The following ICAM4 variants were observed in gnomAD, a reference collection of about 807,000 sequenced individuals.
ICAM4 encodes intercellular adhesion molecule 4 (Landsteiner-Wiener blood group).
ICAM4 carries 16 observed loss-of-function variants against 18.8 expected under a neutral mutation model. That is an observed-to-expected ratio of 0.85 (90% CI 0.58 to 1.29). ICAM4 has a LOEUF of 1.29. ICAM4 is among the 50% of genes most tolerant of loss of function. The pLI is 0.00. For synonymous variants in ICAM4, 163 were observed against 163.2 expected (o/e 1.00, Z 0.01); for missense variants, 338 against 364.3 (o/e 0.93, Z 0.59).
Position 10,287,725 on chromosome 19 carries a change from A to G in ICAM4, c.584A>G (p.Tyr195Cys). Residue 195 changes from tyrosine to cysteine, a missense_variant, in exon 2 of 3, where the codon TAC (tyrosine) becomes TGC (cysteine). Physicochemically the swap from Tyr to Cys is radical, Grantham distance 194. Transcript: ENST00000380770. This position sits in a 1 kb window ranked among gnomAD's most constrained non-coding sequence, Gnocchi z 8.7. Reference sequence around the variant, plus strand: ...GATCTGGCCAACGTGACCTTGACCTACGAGTTTGCTGCTGGACCCCGCGAC... The same window carrying G: ...GATCTGGCCAACGTGACCTTGACCTGCGAGTTTGCTGCTGGACCCCGCGAC... ...GLDLANVTLT[Y>C]EFAAGPRDFW... The G allele has an allele frequency of 1.9e-6, 3 of 1,613,822 alleles. No individual in the cohort carries two copies. Among genetic ancestry groups the G allele is most frequent in the South Asian group, 1.1e-5 (1 of 91,058 alleles).
At position 10,287,450 on chromosome 19, in the gene ICAM4, G is replaced by A. The variant is rs757624505; in HGVS notation, c.394+44G>A. On this transcript the variant is annotated intron_variant, in intron 1 of 2. Transcript: ENST00000380770. This position sits in a 1 kb window ranked among gnomAD's most constrained non-coding sequence, Gnocchi z 8.7. Reference sequence around the variant, plus strand: ...GTCCCGGCTGGGGTGAGGGGAGGGGGCTGGAAGAGGTGGGGGAAGGGTAGT... The same window carrying A: ...GTCCCGGCTGGGGTGAGGGGAGGGGACTGGAAGAGGTGGGGGAAGGGTAGT... 4.4e-6 allele frequency: 7 copies of A among 1,587,640 alleles called. No homozygotes were observed. The highest frequency in any genetic ancestry group is 1.3e-5 in the African/African-American group (1 of 74,282).
Position 10,288,190 on chromosome 19 carries a change from G to C in ICAM4, c.*86G>C. On this transcript the variant is annotated 3_prime_UTR_variant, in exon 3 of 3. Coordinates refer to ENST00000380770, the MANE Select transcript of ICAM4 (RefSeq NM_001544.5). Reference sequence around the variant, plus strand: ...TGGCCATACATGGTGGCTGACGCCTGTAATCCCAGCACTTTGGGAGGCCGA... The same window carrying C: ...TGGCCATACATGGTGGCTGACGCCTCTAATCCCAGCACTTTGGGAGGCCGA... 1 of 1,607,022 alleles carries C rather than the reference G, an allele frequency of 6.2e-7. No individual in the cohort carries two copies. The highest frequency in any genetic ancestry group is 8.5e-7 in the Non-Finnish European group (1 of 1,175,176).
rs2040132096 is a variant in ICAM4, at chr19:10,287,874, AG to A, written c.697+41del. Reference sequence around the variant, plus strand: ...CCTGTAACCCTGGGGACTAGGAGGAAGGGGGCAGAGAGAGTTATGACCCCGA... The same window carrying A: ...CCTGTAACCCTGGGGACTAGGAGGAAGGGGCAGAGAGAGTTATGACCCCGA... On this transcript the variant is annotated intron_variant, in intron 2 of 2. Coordinates refer to ENST00000380770, the MANE Select transcript of ICAM4 (RefSeq NM_001544.5). The surrounding 1 kb of genome is among the most constrained non-coding windows in gnomAD (Gnocchi z 8.7). The A allele has an allele frequency of 6.2e-7, 1 of 1,607,900 alleles. No individual in the cohort carries two copies. Among genetic ancestry groups the A allele is most frequent in the African/African-American group, 1.3e-5 (1 of 74,988 alleles).
In ICAM4 at chr19:10,287,121, A is replaced by G. The variant is rs756069637; in HGVS notation, c.109A>G (p.Ser37Gly). 1.2e-6 allele frequency: 2 copies of G among 1,608,418 alleles called. No homozygotes were observed. The highest frequency in any genetic ancestry group is 2.2e-5 in the South Asian group (2 of 90,674). The change falls in exon 1 of 3, where the codon AGC becomes GGC. Residue 37 changes from serine (S) to glycine (G), a missense_variant. Ser to Gly is a moderately conservative substitution (Grantham distance 56). Coordinates refer to ENST00000380770, the MANE Select transcript of ICAM4 (RefSeq NM_001544.5). The surrounding 1 kb of genome is among the most constrained non-coding windows in gnomAD (Gnocchi z 8.7). ...RTKRAQSPKGSPLAPSGTSVP... is the reference protein window; with the variant it reads ...RTKRAQSPKGGPLAPSGTSVP... ...TAAGCGGGCGCAAAGCCCCAAGGGT[A>G]GCCCTCTCGCGCCCTCCGGGACCTC... is the stretch of plus-strand genomic sequence containing the variant.
In ICAM4 at chr19:10,287,530, C is replaced by T. The variant is rs35165411; in HGVS notation, c.395-6C>T. 9,392 of 1,612,230 alleles carry T rather than the reference C, an allele frequency of 5.8e-3. 37 individuals are homozygous for T. Among genetic ancestry groups the T allele is most frequent in the Non-Finnish European group, 7.5e-3 (8,860 of 1,178,696 alleles). ...GACCTCACTCAGAGGCTCCCCCTTG[C>T]CTTAGAACCGCCCCACAGCGTGATT... On this transcript the variant is annotated splice_polypyrimidine_tract_variant and splice_region_variant and intron_variant, in intron 1 of 2. Coordinates refer to ENST00000380770, the MANE Select transcript of ICAM4 (RefSeq NM_001544.5). The surrounding 1 kb of genome is among the most constrained non-coding windows in gnomAD (Gnocchi z 8.7).
At position 10,287,985 on chromosome 19, in the gene ICAM4, G is replaced by T. The variant is rs753933674; in HGVS notation, c.698-1G>T. 6.2e-7 allele frequency: 1 copy of T among 1,613,964 alleles called. No homozygotes were observed. Reference sequence around the variant, plus strand: ...TCCTAATTCTCGCCTTCTGCTCCCAGCTTGGAGCCCCGCGCCCACAGCTTT... The same window carrying T: ...TCCTAATTCTCGCCTTCTGCTCCCATCTTGGAGCCCCGCGCCCACAGCTTT... On this transcript the variant is annotated splice_acceptor_variant, in intron 2 of 2. Coordinates refer to ENST00000380770, the MANE Select transcript of ICAM4 (RefSeq NM_001544.5). LOFTEE classifies it high-confidence loss of function. The surrounding 1 kb of genome is among the most constrained non-coding windows in gnomAD (Gnocchi z 8.7).
At position 10,288,063 on chromosome 19, in the gene ICAM4, G is replaced by A. The variant is rs761034821; in HGVS notation, c.775G>A (p.Ala259Thr). The A allele has an allele frequency of 6.2e-7, 1 of 1,614,182 alleles. No homozygotes were observed. The highest frequency in any genetic ancestry group is 1.7e-5 in the Admixed American group (1 of 60,016). ...LVGILLTVGA[A>T]YLCKCLAMKS... Reference sequence around the variant, plus strand: ...AGGGATCCTCCTCACTGTGGGCGCTGCGTACCTATGCAAGTGCCTAGCTAT... The same window carrying A: ...AGGGATCCTCCTCACTGTGGGCGCTACGTACCTATGCAAGTGCCTAGCTAT... The change falls in exon 3 of 3, where the codon GCG becomes ACG. Residue 259 changes from alanine (A) to threonine (T), a missense_variant. Coordinates refer to ENST00000380770, the MANE Select transcript of ICAM4 (RefSeq NM_001544.5).
chr19:10,287,883 A>G lies in ICAM4; in HGVS notation c.697+45A>G. On this transcript the variant is annotated intron_variant, in intron 2 of 2. Coordinates refer to ENST00000380770, the MANE Select transcript of ICAM4 (RefSeq NM_001544.5). This position sits in a 1 kb window ranked among gnomAD's most constrained non-coding sequence, Gnocchi z 8.7. Reference sequence around the variant, plus strand: ...CTGGGGACTAGGAGGAAGGGGGCAGAGAGAGTTATGACCCCGAGAGGGCGC... The same window carrying G: ...CTGGGGACTAGGAGGAAGGGGGCAGGGAGAGTTATGACCCCGAGAGGGCGC... 1 of 1,607,612 alleles carries G rather than the reference A, an allele frequency of 6.2e-7. No individual in the cohort carries two copies. Among genetic ancestry groups the G allele is most frequent in the South Asian group, 1.1e-5 (1 of 91,044 alleles).
chr19:10,287,021 T>C lies in ICAM4; in HGVS notation c.9T>C (p.Ser3=), dbSNP rs746751618. The change falls in exon 1 of 3, where the codon TCT becomes TCC. Residue 3 remains serine, a synonymous_variant. Coordinates refer to ENST00000380770, the MANE Select transcript of ICAM4 (RefSeq NM_001544.5). This position sits in a 1 kb window ranked among gnomAD's most constrained non-coding sequence, Gnocchi z 8.7. MG[S]LFPLSLLFFL... is the part of the protein sequence containing the mutation. ...AGTCCGGGCTTTTTGCCATGGGGTC[T>C]CTGTTCCCTCTGTCGCTGCTGTTTT... 1 of 1,532,100 alleles carries C rather than the reference T, an allele frequency of 6.5e-7. No homozygotes were observed. The highest frequency in any genetic ancestry group is 8.8e-7 in the Non-Finnish European group (1 of 1,140,602). 94.9% of individuals were successfully genotyped at this position (1,532,100 alleles called of 1,614,324 possible).
chr19:10,287,045 T>C lies in ICAM4; in HGVS notation c.33T>C (p.Phe11=). 3 of 1,568,076 alleles carry C rather than the reference T, an allele frequency of 1.9e-6. No homozygotes were observed. The highest frequency in any genetic ancestry group is 2.6e-6 in the Non-Finnish European group (3 of 1,156,012). Residue 11 remains phenylalanine, a synonymous_variant, in exon 1 of 3, where the codon TTT becomes TTC. Coordinates refer to ENST00000380770, the MANE Select transcript of ICAM4 (RefSeq NM_001544.5). The surrounding 1 kb of genome is among the most constrained non-coding windows in gnomAD (Gnocchi z 8.7). ...CTCTGTTCCCTCTGTCGCTGCTGTTTTTTTTGGCGGCCGCCTACCCGGGAG... is the reference window on the plus strand; with the variant it reads ...CTCTGTTCCCTCTGTCGCTGCTGTTCTTTTTGGCGGCCGCCTACCCGGGAG... MGSLFPLSLL[F]FLAAAYPGVG...
At position 10,288,276 on chromosome 19, in the gene ICAM4, C is replaced by T. The variant is rs765979139; in HGVS notation, c.*172C>T. 4.8e-4 allele frequency: 473 copies of T among 984,442 alleles called. No individual in the cohort carries two copies. Among genetic ancestry groups the T allele is most frequent in the Non-Finnish European group, 6.8e-4 (435 of 644,058 alleles). The allele number at this position is 984,442 out of a possible 1,614,324, so 61.0% of individuals were successfully genotyped here. A position where few individuals can be genotyped will look rare whatever the true frequency, so the allele number is the denominator to read the frequency against. On this transcript the variant is annotated 3_prime_UTR_variant, in exon 3 of 3. Coordinates refer to ENST00000380770, the MANE Select transcript of ICAM4 (RefSeq NM_001544.5). ...CAGCCTGGACAACATAGTGAGACCC[C>T]GTCTATGCAAAAAATACACAAATTA...
rs55761920 is a variant in ICAM4 at position 10,288,205 on chromosome 19, T to G, written c.*101T>G. Reference sequence around the variant, plus strand: ...GCTGACGCCTGTAATCCCAGCACTTTGGGAGGCCGAGGCAGGAGAATCGCT... The same window carrying G: ...GCTGACGCCTGTAATCCCAGCACTTGGGGAGGCCGAGGCAGGAGAATCGCT... On this transcript the variant is annotated 3_prime_UTR_variant, in exon 3 of 3. Coordinates refer to ENST00000380770, the MANE Select transcript of ICAM4 (RefSeq NM_001544.5). The G allele has an allele frequency of 3.1e-6, 5 of 1,587,664 alleles. No individual in the cohort carries two copies. In the African/African-American group the frequency reaches 6.7e-5, roughly 21 times the overall value.
In ICAM4 at chr19:10,287,065, C is replaced by A; in HGVS notation, c.53C>A (p.Pro18Gln). The change falls in exon 1 of 3, where the codon CCG (proline) becomes CAG (glutamine). Residue 18 changes from proline (P) to glutamine (Q), a missense_variant. Pro to Gln is a moderately conservative substitution (Grantham distance 76). Transcript: ENST00000380770. This position sits in a 1 kb window ranked among gnomAD's most constrained non-coding sequence, Gnocchi z 8.7. ...CTGTTTTTTTTGGCGGCCGCCTACC[C>A]GGGAGTTGGGAGCGCGCTGGGACGC... ...SLLFFLAAAYPGVGSALGRRT... is the reference protein window; with the variant it reads ...SLLFFLAAAYQGVGSALGRRT... 1 of 1,582,282 alleles carries A rather than the reference C, an allele frequency of 6.3e-7. No individual in the cohort carries two copies. The highest frequency in any genetic ancestry group is 8.6e-7 in the Non-Finnish European group (1 of 1,161,952).
rs2040130929 is a variant in ICAM4, at chr19:10,287,792, C to T, written c.651C>T (p.Asp217=). The T allele has an allele frequency of 6.2e-7, 1 of 1,613,392 alleles. No individual in the cohort carries two copies. Among genetic ancestry groups the T allele is most frequent in the Non-Finnish European group, 8.5e-7 (1 of 1,180,048 alleles). Residue 217 remains aspartate, a synonymous_variant, in exon 2 of 3, where the codon GAC becomes GAT. Transcript: ENST00000380770. This position sits in a 1 kb window ranked among gnomAD's most constrained non-coding sequence, Gnocchi z 8.7. ...TCTGCCACGCGCGCCTCAATCTCGACGGCCTGGTGGTCCGCAACAGCTCGG... is the reference window on the plus strand; with the variant it reads ...TCTGCCACGCGCGCCTCAATCTCGATGGCCTGGTGGTCCGCAACAGCTCGG... ...PVICHARLNL[D]GLVVRNSSAP... is the part of the protein sequence containing the mutation.
Position 10,287,263 on chromosome 19 carries a change from C to A in ICAM4, c.251C>A (p.Pro84Gln). The A allele has an allele frequency of 6.2e-7, 1 of 1,613,672 alleles. No individual in the cohort carries two copies. The highest frequency in any genetic ancestry group is 8.5e-7 in the Non-Finnish European group (1 of 1,180,008). ...CCGCAGAATTCCAGCCTCCGCACCC[C>A]GCTGCGGCAAGGCAAGACGCTCAGA... ...PQPQNSSLRT[P>Q]LRQGKTLRGP... The change falls in exon 1 of 3, where the codon CCG (proline) becomes CAG (glutamine). Residue 84 changes from proline to glutamine, a missense_variant. Physicochemically the swap from Pro to Gln is moderately conservative, Grantham distance 76 (BLOSUM62 -1). Coordinates refer to ENST00000380770, the MANE Select transcript of ICAM4 (RefSeq NM_001544.5). The surrounding 1 kb of genome is among the most constrained non-coding windows in gnomAD (Gnocchi z 8.7).
rs770639024 is a variant in ICAM4 at position 10,287,043 on chromosome 19, T to C, written c.31T>C (p.Phe11Leu). 2 of 1,544,594 alleles carry C rather than the reference T, an allele frequency of 1.3e-6. No homozygotes were observed. The highest frequency in any genetic ancestry group is 1.4e-5 in the African/African-American group (1 of 72,754). ...GTCTCTGTTCCCTCTGTCGCTGCTGTTTTTTTTGGCGGCCGCCTACCCGGG... is the reference window on the plus strand; with the variant it reads ...GTCTCTGTTCCCTCTGTCGCTGCTGCTTTTTTTGGCGGCCGCCTACCCGGG... MGSLFPLSLL[F>L]FLAAAYPGVG... The change falls in exon 1 of 3, where the codon TTT (phenylalanine) becomes CTT (leucine). Residue 11 changes from phenylalanine to leucine, a missense_variant. Coordinates refer to ENST00000380770, the MANE Select transcript of ICAM4 (RefSeq NM_001544.5). The surrounding 1 kb of genome is among the most constrained non-coding windows in gnomAD (Gnocchi z 8.7).
Position 10,287,938 on chromosome 19 carries a change from G to C in ICAM4, c.698-48G>C. On this transcript the variant is annotated intron_variant, in intron 2 of 2. Transcript: ENST00000380770. The surrounding 1 kb of genome is among the most constrained non-coding windows in gnomAD (Gnocchi z 8.7). ...ACCAAGCGTGAGCTCCACGCGGGTC[G>C]ACAGACCTCCCTGTGTTCCGTTCCT... 6.2e-7 allele frequency: 1 copy of C among 1,612,052 alleles called. No individual in the cohort carries two copies. Among genetic ancestry groups the C allele is most frequent in the Non-Finnish European group, 8.5e-7 (1 of 1,178,974 alleles).
In ICAM4 at chr19:10,287,722, C is replaced by T; in HGVS notation, c.581C>T (p.Thr194Ile). The T allele has an allele frequency of 6.2e-7, 1 of 1,614,044 alleles. No individual in the cohort carries two copies. Among genetic ancestry groups the T allele is most frequent in the Non-Finnish European group, 8.5e-7 (1 of 1,180,032 alleles). ...CTGGATCTGGCCAACGTGACCTTGACCTACGAGTTTGCTGCTGGACCCCGC... is the reference window on the plus strand; with the variant it reads ...CTGGATCTGGCCAACGTGACCTTGATCTACGAGTTTGCTGCTGGACCCCGC... Reference protein sequence around the residue: ...TGLDLANVTLTYEFAAGPRDF... With the variant: ...TGLDLANVTLIYEFAAGPRDF... The change falls in exon 2 of 3, where the codon ACC becomes ATC. Residue 194 changes from threonine (T) to isoleucine (I), a missense_variant. Physicochemically the swap from Thr to Ile is moderately conservative, Grantham distance 89. Transcript: ENST00000380770. This position sits in a 1 kb window ranked among gnomAD's most constrained non-coding sequence, Gnocchi z 8.7.
rs2040132823 is a variant in ICAM4 at position 10,287,924 on chromosome 19, G to T, written c.698-62G>T. ...GAGAGGGCGCACAGACCAAGCGTGAGCTCCACGCGGGTCGACAGACCTCCC... is the reference window on the plus strand; with the variant it reads ...GAGAGGGCGCACAGACCAAGCGTGATCTCCACGCGGGTCGACAGACCTCCC... On this transcript the variant is annotated intron_variant, in intron 2 of 2. Coordinates refer to ENST00000380770, the MANE Select transcript of ICAM4 (RefSeq NM_001544.5). The surrounding 1 kb of genome is among the most constrained non-coding windows in gnomAD (Gnocchi z 8.7). The T allele has an allele frequency of 2.5e-6, 4 of 1,611,000 alleles. No homozygotes were observed. In the East Asian group the frequency reaches 8.9e-5, roughly 36 times the overall value.
Sources: allele counts gnomAD v4.1 joint callset, GRCh38; gene constraint gnomAD v4.1.1; non-coding constraint Gnocchi (gnomAD v3.1); transcripts MANE v1.5; gene names NCBI Gene and HGNC (gene_info 2026-07-23, HGNC 2026-07-21).